Variants in TRPM4 observed in about 807,000 individuals in gnomAD.
TRPM4 encodes calcium-activated non-selective cation channel 1.
TRPM4 carries 124 observed loss-of-function variants against 135.6 expected under a neutral mutation model. The ratio of observed to expected loss-of-function variants is 0.91; its 90% confidence interval spans 0.79 to 1.06. TRPM4 has a LOEUF of 1.06. TRPM4 is among the 50% of genes least tolerant of loss of function. The pLI, the probability that TRPM4 is intolerant of heterozygous loss-of-function variation, is 0.00. For missense variants in TRPM4, 1,658 were observed against 1,671.4 expected, an observed-to-expected ratio of 0.99 and a Z score of 0.14; for synonymous variants, 745 against 705.6, an observed-to-expected ratio of 1.06 and a Z score of -0.88.
rs1169154852 is a variant in TRPM4 at position 49,158,615 on chromosome 19, CATT to C, written c.92+357_92+359del. On this transcript the variant is annotated intron_variant, in intron 2 of 24. Coordinates refer to ENST00000252826, the MANE Select transcript of TRPM4 (RefSeq NM_017636.4). ...TCATTCATTCATTCATTCATTCATT[CATT>C]CATCCATCCATGCAAGAAACCCTCA... 2.1e-4 allele frequency: 58 copies of C among 281,184 alleles called. 1 individual carries two copies. The highest frequency in any genetic ancestry group is 8.2e-4 in the African/African-American group (37 of 45,194). 17.4% of individuals were successfully genotyped at this position (281,184 alleles called of 1,614,324 possible).
In TRPM4 at chr19:49,182,645, T is replaced by C. The variant is rs1968024750; in HGVS notation, c.1331T>C (p.Leu444Pro). 6.2e-7 allele frequency: 1 copy of C among 1,614,096 alleles called. No homozygotes were observed. Among genetic ancestry groups the C allele is most frequent in the African/African-American group, 1.3e-5 (1 of 74,956 alleles). ...GACCGGCCTGAGTTCGTGCGCTTGC[T>C]CATTTCCCACGGCCTCAGCCTGGGC... ...LNDRPEFVRL[L>P]ISHGLSLGHF... Residue 444 changes from leucine (L) to proline (P), a missense_variant, in exon 11 of 25, where the codon CTC becomes CCC. Leu to Pro is a moderately conservative substitution (Grantham distance 98). This residue lies in a region of TRPM4 where 1,412 missense variants were observed against 1,408.7 expected (regional missense o/e 1.00). Transcript: ENST00000252826.
chr19:49,182,392 C>CCA (rs2122929858), intron 10 of TRPM4, 186 bp from the exon 11 acceptor site: 1 of 636,946 alleles, frequency 1.6e-6, no homozygotes, highest in Non-Finnish European at 2.9e-6. Flanking sequence ...ATCCATCCAT[C>CCA]TGCCCATCCA....
chr19:49,162,573 C>A (rs928883863), intron 2 of TRPM4, among the ~76,000 whole-genome samples: 17 of 151,558 alleles, frequency 1.1e-4, no homozygotes, highest in South Asian at 6.3e-4. Flanking sequence ...AACAAAAAAA[C>A]AATTTATTTC....
rs189571265 is a variant in TRPM4, at chr19:49,157,827, G to A, written c.-40G>A. 102 of 1,533,618 alleles carry A rather than the reference G, an allele frequency of 6.7e-5. No individual in the cohort carries two copies. The highest frequency in any genetic ancestry group is 8.3e-5 in the Non-Finnish European group (95 of 1,145,716). On this transcript the variant is annotated 5_prime_UTR_variant, in exon 1 of 25. Transcript: ENST00000252826. ...AAGCAGAGCCGGCGGAGGGAGCGCC[G>A]GGGCCCTGGGCTGCAGGAGGTTGCG...
At chr19:49,209,348 T>A (rs1969265610) in intron 20 of TRPM4, among the ~76,000 whole-genome samples, 1 of 152,230 alleles carries the variant, frequency 6.6e-6, no homozygotes, top group African/African-American at 2.4e-5. Context: ...CTTGTTATTA[T>A]AATTCTTCTT....
In TRPM4 at chr19:49,196,843, C is replaced by T. The variant is rs780687748; in HGVS notation, c.2614C>T (p.Leu872Phe). The change falls in exon 17 of 25, where the codon CTC becomes TTC. Residue 872 changes from leucine (L) to phenylalanine (F), a missense_variant. By Grantham distance (22) the Leu-to-Phe change is conservative. Around this residue, in one of 3 missense-constraint regions of TRPM4, gnomAD observed 1,412 missense variants for 1,408.7 expected, o/e 1.00. Transcript: ENST00000252826. ...CTGGAACCAGTGCGACCTAGTGGCT[C>T]TCACCTGCTTCCTCCTGGGCGTGGG... ...DSWNQCDLVA[L>F]TCFLLGVGCR... 6.3e-7 allele frequency: 1 copy of T among 1,589,876 alleles called. No homozygotes were observed. The highest frequency in any genetic ancestry group is 8.5e-7 in the Non-Finnish European group (1 of 1,175,866).
chr19:49,171,162 G>A lies in TRPM4; in HGVS notation c.797-195G>A, dbSNP rs1337982510. ...GAGGCCAGGAGTTCGAGACCACCCTGGCCAACATAGCAAGACCCCCATTTC... is the reference window on the plus strand; with the variant it reads ...GAGGCCAGGAGTTCGAGACCACCCTAGCCAACATAGCAAGACCCCCATTTC... On this transcript the variant is annotated intron_variant, in intron 6 of 24. Coordinates refer to ENST00000252826, the MANE Select transcript of TRPM4 (RefSeq NM_017636.4). This position sits in a 1 kb window ranked among gnomAD's most constrained non-coding sequence, Gnocchi z 4.7. Among the ~76,000 whole-genome samples, 1 of 152,126 alleles carries A rather than the reference G, an allele frequency of 6.6e-6. No homozygotes were observed. The highest frequency in any genetic ancestry group is 6.5e-5 in the Admixed American group (1 of 15,278).
At chr19:49,197,516 T>TTCC (rs1968741986) in intron 17 of TRPM4, among the ~76,000 whole-genome samples, 2 of 73,666 alleles carry the variant, frequency 2.7e-5, no homozygotes, top group Non-Finnish European at 5.3e-5. Context: ...TCCTTCCTTC[T>TTCC]ATGCTTCCTT....
chr19:49,193,143 T>G (rs914362334), intron 16 of TRPM4, among the ~76,000 whole-genome samples: 1 of 149,372 alleles, frequency 6.7e-6, no homozygotes, highest in Non-Finnish European at 1.5e-5. Flanking sequence ...TGCAGTGGCA[T>G]GATCTCGGCT....
intron 9 of TRPM4, among the ~76,000 whole-genome samples, chr19:49,172,902 A>C (rs534566455): frequency 8.2e-6 from 1 of 122,010 alleles, no homozygotes; most frequent in East Asian, 2.3e-4. Flanking sequence ...CCATCCGCTC[A>C]TTCCTCCATC....
Position 49,171,991 on chromosome 19 carries a change from G to A in TRPM4, c.1051-18G>A, listed in dbSNP as rs772405003. ...GGGATGGAGGCGGGCTAGGGATGCA[G>A]AACTGGCTATTCCACAGGTGGAGAG... On this transcript the variant is annotated intron_variant, in intron 8 of 24. Coordinates refer to ENST00000252826, the MANE Select transcript of TRPM4 (RefSeq NM_017636.4). The surrounding 1 kb of genome is among the most constrained non-coding windows in gnomAD (Gnocchi z 4.7). 4 of 1,606,002 alleles carry A rather than the reference G, an allele frequency of 2.5e-6. No individual in the cohort carries two copies. Among genetic ancestry groups the A allele is most frequent in the Admixed American group, 1.7e-5 (1 of 60,002 alleles).
At chr19:49,197,009 C>G (rs1968681847) in intron 17 of TRPM4, 135 bp downstream of exon 17, 1 of 860,210 alleles carries the variant, frequency 1.2e-6, no homozygotes, top group Non-Finnish European at 1.7e-6. Flanking sequence ...GAGAACCCCT[C>G]TTAGGAAAGT....
At chr19:49,170,524 G>C (rs1967413026) in intron 6 of TRPM4, among the ~76,000 whole-genome samples, 1 of 152,028 alleles carries the variant, frequency 6.6e-6, no homozygotes, top group Non-Finnish European at 1.5e-5. Context: ...AGTCGATATA[G>C]TGCTATCTTT....
At position 49,208,956 on chromosome 19, in the gene TRPM4, C is replaced by CAA. The variant is rs35021741; in HGVS notation, c.3132-1236_3132-1235dup. ...CCTGTGGGACAGAGCAAGACTCCATCAAAAAAAAAAAAAAAAAATCGTGAA... is the reference window on the plus strand; with the variant it reads ...CCTGTGGGACAGAGCAAGACTCCATCAAAAAAAAAAAAAAAAAAAATCGTGAA... On this transcript the variant is annotated intron_variant, in intron 20 of 24. Transcript: ENST00000252826. Among the ~76,000 whole-genome samples the CAA allele has an allele frequency of 2.3e-4, 24 of 104,032 alleles. 1 individual carries two copies. Among genetic ancestry groups the CAA allele is most frequent in the Admixed American group, 8.4e-4 (8 of 9,556 alleles). 68.2% of individuals were successfully genotyped at this position (104,032 alleles called of 152,430 possible).
At chr19:49,203,373 G>A (rs1216540946) in intron 20 of TRPM4, among the ~76,000 whole-genome samples, 1 of 151,552 alleles carries the variant, frequency 6.6e-6, no homozygotes, top group Admixed American at 6.6e-5. Context: ...TAGAGATGGG[G>A]TTTCACCGTG....
intron 20 of TRPM4, among the ~76,000 whole-genome samples, chr19:49,209,153 G>T (rs1969258242): frequency 6.6e-6 from 1 of 152,088 alleles, no homozygotes; most frequent in African/African-American, 2.4e-5. Flanking sequence ...CACTTAATGT[G>T]CTGCTGAATT....
rs2145995561 is a variant in TRPM4, at chr19:49,210,144, A to G, written c.3132-65A>G. The stretch of plus-strand genomic sequence containing the variant: ...ACTGAACAATTATTGCCTGGCATCT[A>G]ACCTTCGTCCTTGCCCCTGGCTGGG... On this transcript the variant is annotated intron_variant, in intron 20 of 24. Coordinates refer to ENST00000252826, the MANE Select transcript of TRPM4 (RefSeq NM_017636.4). This position sits in a 1 kb window ranked among gnomAD's most constrained non-coding sequence, Gnocchi z 4.1. The G allele has an allele frequency of 6.6e-7, 1 of 1,522,516 alleles. No homozygotes were observed. The highest frequency in any genetic ancestry group is 9.1e-7 in the Non-Finnish European group (1 of 1,096,310). The allele number at this position is 1,522,516 out of a possible 1,614,324, so 94.3% of individuals were successfully genotyped here.
intron 2 of TRPM4, among the ~76,000 whole-genome samples, chr19:49,165,622 G>T (rs1191572714): frequency 1.3e-5 from 2 of 152,084 alleles, no homozygotes; most frequent in Non-Finnish European, 2.9e-5. Context: ...GAAGCCGCTC[G>T]CCCAAAGTCA....
intron 10 of TRPM4, 182 bp from the exon 11 acceptor site, chr19:49,182,396 C>CT: frequency 1.6e-6 from 1 of 625,240 alleles, no homozygotes; most frequent in East Asian, 2.8e-5. Context: ...ATCCATCTGC[C>CT]CATCCATCCA....
Sources: gnomAD v4.1 joint callset for allele counts (sites outside exome capture counted in the v4.1 genomes callset) on GRCh38, gnomAD v4.1.1 for gene constraint, gnomAD v4.1.1 regional missense constraint, Gnocchi (gnomAD v3.1) non-coding constraint, MANE v1.5 for transcripts, NCBI Gene and HGNC (gene_info 2026-07-23, HGNC 2026-07-21) for gene names.